The following SIM1 variants were observed in gnomAD, a reference collection of about 807,000 sequenced individuals.
The protein encoded by SIM1 is SIM bHLH transcription factor 1, also known as single-minded homolog 1.
SIM1 carries 18 observed loss-of-function variants against 78.2 expected under a neutral mutation model. The ratio of observed to expected loss-of-function variants is 0.23; its 90% CI spans 0.16 to 0.34. The LOEUF is 0.34. SIM1 is among the 10% of genes least tolerant of loss of function. The pLI is 1.00. For missense variants in SIM1, 939 were observed against 975.1 expected (o/e 0.96, Z 0.49); for synonymous variants, 417 against 385.2 (o/e 1.08, Z -0.97).
At chr6:100,415,116 G>T (rs1771364912) in intron 10 of SIM1, among the ~76,000 whole-genome samples, 2 of 152,136 alleles carry the variant, frequency 1.3e-5, no homozygotes, top group African/African-American at 4.8e-5. Context: ...AAAACAGGAT[G>T]GCACGCACTT....
intron 9 of SIM1, among the ~76,000 whole-genome samples, chr6:100,432,412 C>T (rs1456389857): frequency 6.6e-6 from 1 of 152,038 alleles, no homozygotes; most frequent in African/African-American, 2.4e-5. Context: ...GAGAGCTAAA[C>T]CAGTTGTTAT....
chr6:100,418,469 T>C (rs1771470915), intron 10 of SIM1, among the ~76,000 whole-genome samples: 1 of 152,176 alleles, frequency 6.6e-6, no homozygotes, highest in African/African-American at 2.4e-5. Flanking sequence ...CGTGTATAAC[T>C]TTCCAGTTAA....
At chr6:100,423,684 C>T (rs1461924764) in intron 9 of SIM1, among the ~76,000 whole-genome samples, 2 of 152,144 alleles carry the variant, frequency 1.3e-5, no homozygotes, top group African/African-American at 4.8e-5. Flanking sequence ...AGATTGTTTT[C>T]CCCAGTGACC....
At chr6:100,463,188 A>G (rs1312350959) in intron 2 of SIM1, 106 bp downstream of exon 2, 6 of 973,554 alleles carry the variant, frequency 6.2e-6, no homozygotes, top group Non-Finnish European at 7.3e-6. Flanking sequence ...TGCAAAATAT[A>G]TATGTAAATA....
chr6:100,422,163 A>T (rs1027489922), intron 9 of SIM1, among the ~76,000 whole-genome samples: 1 of 152,082 alleles, frequency 6.6e-6, no homozygotes, highest in Middle Eastern at 3.2e-3. Flanking sequence ...AATTTTTTAC[A>T]TGCATTTTTA....
At chr6:100,397,472 CA>C (rs1387222515) in intron 10 of SIM1, among the ~76,000 whole-genome samples, 1 of 151,826 alleles carries the variant, frequency 6.6e-6, no homozygotes, top group African/African-American at 2.4e-5. Flanking sequence ...CACTCATAGG[CA>C]AAAAATCAAA....
Position 100,414,072 on chromosome 6 carries a change from G to A in SIM1, c.1167+6718C>T, listed in dbSNP as rs143518286. On this transcript the variant is annotated intron_variant, in intron 10 of 11. Coordinates refer to ENST00000369208, the MANE Select transcript of SIM1 (RefSeq NM_005068.3). ...ACAGGATAGTGACAAATACATTTGGGGTTATAAGGAAGTTAATTAATGGAG... is the reference window on the plus strand; with the variant it reads ...ACAGGATAGTGACAAATACATTTGGAGTTATAAGGAAGTTAATTAATGGAG... 7.4e-3 allele frequency among the ~76,000 whole-genome samples: 1,133 copies of A among 152,292 alleles called. 10 individuals are homozygous for A. The highest frequency in any genetic ancestry group is 0.026 in the African/African-American group (1,089 of 41,550).
intron 9 of SIM1, among the ~76,000 whole-genome samples, chr6:100,431,096 A>G (rs1771888915): frequency 6.6e-6 from 1 of 152,208 alleles, no homozygotes; most frequent in Non-Finnish European, 1.5e-5. Flanking sequence ...TGTAGATTAT[A>G]GAAAAATAGA....
At chr6:100,416,752 T>G (rs1771411320) in intron 10 of SIM1, among the ~76,000 whole-genome samples, 1 of 152,162 alleles carries the variant, frequency 6.6e-6, no homozygotes, top group Non-Finnish European at 1.5e-5. Context: ...AATTTCCAAC[T>G]AAATCCATAA....
chr6:100,408,452 A>G (rs1771106695), intron 10 of SIM1, among the ~76,000 whole-genome samples: 1 of 151,914 alleles, frequency 6.6e-6, no homozygotes, highest in African/African-American at 2.4e-5. Context: ...TTTTGGTCCT[A>G]TATGAATTTG....
chr6:100,431,384 A>G (rs1771894932), intron 9 of SIM1, among the ~76,000 whole-genome samples: 1 of 152,158 alleles, frequency 6.6e-6, no homozygotes, highest in South Asian at 2.1e-4. Flanking sequence ...AGCCCTTACT[A>G]CTGTAATGCT....
chr6:100,397,105 G>T (rs1248526025), intron 10 of SIM1, among the ~76,000 whole-genome samples: 1 of 152,128 alleles, frequency 6.6e-6, no homozygotes, highest in East Asian at 1.9e-4. Context: ...ACTATAAAAA[G>T]AAAGTTATTG....
Position 100,427,950 on chromosome 6 carries a change from C to T in SIM1, c.999-6992G>A, listed in dbSNP as rs562305803. Among the ~76,000 whole-genome samples, 4 of 152,188 alleles carry T rather than the reference C, an allele frequency of 2.6e-5. No homozygotes were observed. In the East Asian group the frequency reaches 7.7e-4, roughly 29 times the overall value. ...CAGATGCTCACTTGCAAGAGATTAACAAAATAATTATCTTTTAATAAATTT... is the reference window on the plus strand; with the variant it reads ...CAGATGCTCACTTGCAAGAGATTAATAAAATAATTATCTTTTAATAAATTT... On this transcript the variant is annotated intron_variant, in intron 9 of 11. Transcript: ENST00000369208.
rs995928353 is a variant in SIM1, at chr6:100,392,174, CA to C, written c.1571-1084del. The stretch of plus-strand genomic sequence containing the variant: ...AGGCGACAAGAGCGAAACTCTGTCT[CA>C]AAAAAAATTTTTTTAGACAATATTT... On this transcript the variant is annotated intron_variant, in intron 11 of 11. Coordinates refer to ENST00000369208, the MANE Select transcript of SIM1 (RefSeq NM_005068.3). Among the ~76,000 whole-genome samples the C allele has an allele frequency of 5.3e-5, 8 of 151,946 alleles. No individual in the cohort carries two copies. In the South Asian group the frequency reaches 8.3e-4, roughly 16 times the overall value.
At chr6:100,420,499 GGGA>G (rs1317030049) in intron 10 of SIM1, among the ~76,000 whole-genome samples, 1 of 152,120 alleles carries the variant, frequency 6.6e-6, no homozygotes, top group Admixed American at 6.5e-5. Flanking sequence ...CTCACTGGGT[GGGA>G]GGGAAATTCA....
intron 10 of SIM1, among the ~76,000 whole-genome samples, chr6:100,399,758 A>G (rs1445024760): frequency 1.3e-5 from 2 of 152,120 alleles, no homozygotes; most frequent in Non-Finnish European, 2.9e-5. Flanking sequence ...ATTGAGTCAA[A>G]CATATCAACC....
At chr6:100,412,200 C>A (rs1021217199) in intron 10 of SIM1, among the ~76,000 whole-genome samples, 2 of 151,822 alleles carry the variant, frequency 1.3e-5, no homozygotes, top group Admixed American at 1.3e-4. Context: ...TCCCAGGACA[C>A]GGGCAATGGG....
chr6:100,393,481 T>C lies in SIM1; in HGVS notation c.1570+6A>G. 6.6e-7 allele frequency: 1 copy of C among 1,517,488 alleles called. No homozygotes were observed. Among genetic ancestry groups the C allele is most frequent in the Admixed American group, 2.2e-5 (1 of 46,052 alleles). The allele number at this position is 1,517,488 out of a possible 1,614,324, so 94.0% of individuals were successfully genotyped here. A position where few individuals can be genotyped will look rare whatever the true frequency, so the allele number is the denominator to read the frequency against. On this transcript the variant is annotated splice_donor_region_variant and intron_variant, in intron 11 of 11. Transcript: ENST00000369208. ...GGAGTTCGGGAACCCTTTCACCTGC[T>C]CTTACCATGGATCCTGTGGACTGAA... is the stretch of plus-strand genomic sequence containing the variant.
intron 9 of SIM1, among the ~76,000 whole-genome samples, chr6:100,433,940 T>G (rs1474273703): frequency 1.3e-5 from 2 of 152,148 alleles, no homozygotes; most frequent in African/African-American, 2.4e-5. Flanking sequence ...GTCATAGAGA[T>G]GACTACACTC....
Sources: allele counts gnomAD v4.1 joint callset (sites outside exome capture counted in the v4.1 genomes callset), GRCh38; gene constraint gnomAD v4.1.1; transcripts MANE v1.5; gene names NCBI Gene and HGNC (gene_info 2026-07-23, HGNC 2026-07-21).